Variants in UBQLN1 observed in about 807,000 individuals in gnomAD.
UBQLN1 encodes the protein ubiquilin-1.
UBQLN1 carries 13 observed loss-of-function variants against 65.4 expected under a neutral mutation model. The observed-to-expected ratio is 0.20, with a 90% CI of 0.13 to 0.32. The LOEUF is 0.32. Ranked by LOEUF, UBQLN1 falls within the 10% of genes least tolerant of loss-of-function variation. The pLI is 1.00. For synonymous variants in UBQLN1, 267 were observed against 247.8 expected, an observed-to-expected ratio of 1.08 and a Z score of -0.73; for missense variants, 561 against 724.0, an observed-to-expected ratio of 0.77 and a Z score of 2.58.
chr9:83,702,827 T>C (rs1036772477), intron 1 of UBQLN1, among the ~76,000 whole-genome samples: 1 of 152,172 alleles, frequency 6.6e-6, no homozygotes, highest in African/African-American at 2.4e-5. Flanking sequence ...GCAAGTTGCC[T>C]TATCAAAGAA....
chr9:83,669,858 A>AGT (rs1831702994), intron 6 of UBQLN1, among the ~76,000 whole-genome samples: 3 of 152,212 alleles, frequency 2.0e-5, no homozygotes. Context: ...CATAGAGCAC[A>AGT]GTGACTCCAA....
intron 7 of UBQLN1, chr9:83,668,395 G>A: frequency 2.0e-6 from 2 of 985,346 alleles, no homozygotes; most frequent in South Asian, 9.4e-5. Context: ...TTAACGAACA[G>A]CAAATATAAA....
intron 4 of UBQLN1, among the ~76,000 whole-genome samples, chr9:83,678,862 C>T (rs949617019): frequency 6.6e-5 from 10 of 152,230 alleles, no homozygotes; most frequent in South Asian, 2.1e-4. Flanking sequence ...GGACTACAGG[C>T]GCCCGCCACC....
At chr9:83,690,333 A>T (rs1276173335) in intron 1 of UBQLN1, among the ~76,000 whole-genome samples, 1 of 152,198 alleles carries the variant, frequency 6.6e-6, no homozygotes, top group African/African-American at 2.4e-5. Context: ...AAATGAATAT[A>T]AATTGTATGA....
At chr9:83,665,772 A>AC (rs767321214) in intron 8 of UBQLN1, among the ~76,000 whole-genome samples, 3 of 152,204 alleles carry the variant, frequency 2.0e-5, no homozygotes, top group Admixed American at 1.3e-4. Flanking sequence ...GTTTCAAAAC[A>AC]CCAAGACTGA....
At chr9:83,701,348 G>C (rs554843034) in intron 1 of UBQLN1, among the ~76,000 whole-genome samples, 14 of 152,076 alleles carry the variant, frequency 9.2e-5, no homozygotes, top group Non-Finnish European at 1.8e-4. Context: ...TTTCACATCT[G>C]TTGTCATATC....
intron 1 of UBQLN1, among the ~76,000 whole-genome samples, chr9:83,689,807 T>A: frequency 6.6e-6 from 1 of 152,214 alleles, no homozygotes; most frequent in East Asian, 1.9e-4. Context: ...AATCCAGATT[T>A]CATAATGTCT....
In UBQLN1 at chr9:83,669,049, T is replaced by C. The variant is rs57071190; in HGVS notation, c.1248+136A>G. 8,248 of 1,022,312 alleles carry C rather than the reference T, an allele frequency of 8.1e-3. 330 individuals are homozygous for C. The African/African-American group carries it at 0.098, about 12-fold the overall frequency. 63.3% of individuals were successfully genotyped at this position (1,022,312 alleles called of 1,614,324 possible). ...GCAAAGAAACACACGGTCTAAAAAATTGGAGACACAGTTTACTTATTTTTC... is the reference window on the plus strand; with the variant it reads ...GCAAAGAAACACACGGTCTAAAAAACTGGAGACACAGTTTACTTATTTTTC... On this transcript the variant is annotated intron_variant, in intron 7 of 10. Transcript: ENST00000376395.
In UBQLN1 at chr9:83,659,979, G is replaced by A. The variant is rs1227959065; in HGVS notation, c.*1808C>T. On this transcript the variant is annotated 3_prime_UTR_variant, in exon 11 of 11. Transcript: ENST00000376395. ...CAAGACAAATCAAGTGTAAAAGCTA[G>A]AGATTTATTGTTATTTTATGATTAA... is the stretch of plus-strand genomic sequence containing the variant. The A allele has an allele frequency of 1.3e-5, 2 of 152,202 alleles. No homozygotes were observed. Among genetic ancestry groups the A allele is most frequent in the Admixed American group, 1.3e-4 (2 of 15,288 alleles). 9.4% of individuals were successfully genotyped at this position (152,202 alleles called of 1,614,324 possible).
In UBQLN1 at chr9:83,678,477, A is replaced by T; in HGVS notation, c.834T>A (p.Asp278Glu). The T allele has an allele frequency of 1.2e-6, 2 of 1,613,818 alleles. No individual in the cohort carries two copies. The highest frequency in any genetic ancestry group is 1.7e-6 in the Non-Finnish European group (2 of 1,179,888). The change falls in exon 5 of 11, where the codon GAT becomes GAA. Residue 278 changes from aspartate to glutamate, a missense_variant. Physicochemically the swap from Asp to Glu is conservative, Grantham distance 45. This residue lies in a region of UBQLN1 where 75 missense variants were observed against 138.9 expected (regional missense o/e 0.54). Coordinates refer to ENST00000376395, the MANE Select transcript of UBQLN1 (RefSeq NM_013438.5). ...GYNALRRMYT[D>E]IQEPMLSAAQ... is the part of the protein sequence containing the mutation. ...CAGCACTCAGCATTGGTTCCTGAAT[A>T]TCTGTGTACATGCGCCTTAAAGCAT...
At chr9:83,694,702 C>T (rs762407755) in intron 1 of UBQLN1, among the ~76,000 whole-genome samples, 2 of 152,104 alleles carry the variant, frequency 1.3e-5, no homozygotes, top group African/African-American at 4.8e-5. Flanking sequence ...CCTTCTATTG[C>T]AAAAACTTAA....
intron 1 of UBQLN1, among the ~76,000 whole-genome samples, chr9:83,704,497 G>C (rs117431201): frequency 0.027 from 4,077 of 150,530 alleles, 93 homozygotes; most frequent in Non-Finnish European, 0.042. Flanking sequence ...ATCAGAAAAG[G>C]CTACTTCAGA....
chr9:83,679,841 C>T lies in UBQLN1; in HGVS notation c.645G>A (p.Met215Ile). The change falls in exon 4 of 11, where the codon ATG becomes ATA. Residue 215 changes from methionine to isoleucine, a missense_variant. Coordinates refer to ENST00000376395, the MANE Select transcript of UBQLN1 (RefSeq NM_013438.5). ...CTGGATTTCTCTGTATCAACTGCTG[C>T]ATTTGTGGATTGGCCATAATTAACT... is the stretch of plus-strand genomic sequence containing the variant. Reference protein sequence around the residue: ...MRQLIMANPQMQQLIQRNPEI... With the variant: ...MRQLIMANPQIQQLIQRNPEI... The T allele has an allele frequency of 1.2e-6, 2 of 1,614,170 alleles. No homozygotes were observed. Among genetic ancestry groups the T allele is most frequent in the Non-Finnish European group, 1.7e-6 (2 of 1,179,994 alleles).
intron 1 of UBQLN1, among the ~76,000 whole-genome samples, chr9:83,686,363 G>C (rs749064212): frequency 2.6e-5 from 4 of 152,006 alleles, no homozygotes. Context: ...CTGCACTCCA[G>C]CCTGGGTGAC....
intron 3 of UBQLN1, among the ~76,000 whole-genome samples, chr9:83,681,435 G>C (rs1831938358): frequency 6.6e-6 from 1 of 152,166 alleles, no homozygotes; most frequent in African/African-American, 2.4e-5. Context: ...TGTCTATACA[G>C]ATGCTAAGTA....
intron 9 of UBQLN1, 84 bp downstream of exon 9, chr9:83,664,946 A>G (rs992868715): frequency 2.6e-5 from 18 of 697,776 alleles, no homozygotes; most frequent in Non-Finnish European, 3.1e-5. Context: ...AAAAAAAAAA[A>G]GGCAGGCAGA....
At chr9:83,695,300 G>A (rs1832192559) in intron 1 of UBQLN1, among the ~76,000 whole-genome samples, 1 of 150,812 alleles carries the variant, frequency 6.6e-6, no homozygotes, top group South Asian at 2.1e-4. Context: ...CCGGGTTCAA[G>A]TGATTCTCCT....
chr9:83,668,117 T>C (rs1382805780), intron 7 of UBQLN1: 3 of 985,294 alleles, frequency 3.0e-6, no homozygotes, highest in South Asian at 4.7e-5. Flanking sequence ...ATAAGTTTCA[T>C]ATGCATAAAT....
chr9:83,677,444 C>A (rs1442452278), intron 6 of UBQLN1, among the ~76,000 whole-genome samples: 1 of 152,144 alleles, frequency 6.6e-6, no homozygotes, highest in Non-Finnish European at 1.5e-5. Context: ...TGCCTGTAAT[C>A]CCAGCTACTC....
Sources: gnomAD v4.1 joint callset for allele counts (sites outside exome capture counted in the v4.1 genomes callset) on GRCh38, gnomAD v4.1.1 for gene constraint, gnomAD v4.1.1 regional missense constraint, MANE v1.5 for transcripts, NCBI Gene and HGNC (gene_info 2026-07-23, HGNC 2026-07-21) for gene names.